The following ATP8A1 variants were observed in gnomAD, a reference collection of about 807,000 sequenced individuals.
ATP8A1 encodes the protein ATPase phospholipid transporting 8A1, also known as phospholipid-transporting ATPase IA.
In ATP8A1, 90 loss-of-function variants were observed where a neutral mutation model predicts 177.7. The observed-to-expected ratio is 0.51, with a 90% CI of 0.43 to 0.60. The LOEUF is 0.60. Among genes scored for constraint, ATP8A1 ranks in the 20% least tolerant of loss-of-function variants. The pLI is 0.00. For missense variants in ATP8A1, 1,072 were observed against 1,392.8 expected (o/e 0.77, Z 3.67); for synonymous variants, 493 against 485.9 (o/e 1.01, Z -0.19).
intron 1 of ATP8A1, among the ~76,000 whole-genome samples, chr4:42,635,790 T>C (rs1340873827): frequency 1.1e-4 from 11 of 103,716 alleles, no homozygotes; most frequent in African/African-American, 3.4e-4. Flanking sequence ...CACATATATA[T>C]ATATATATAT....
intron 14 of ATP8A1, among the ~76,000 whole-genome samples, chr4:42,571,360 A>G (rs550194695): frequency 1.1e-4 from 16 of 152,276 alleles, no homozygotes; most frequent in African/African-American, 3.4e-4. Context: ...AATACGAATT[A>G]AATGCCTTGT....
chr4:42,639,125 C>T (rs2109539309), intron 1 of ATP8A1, among the ~76,000 whole-genome samples: 1 of 152,070 alleles, frequency 6.6e-6, no homozygotes, highest in African/African-American at 2.4e-5. Flanking sequence ...TGTGGAAGGC[C>T]CTGACAAGGC....
chr4:42,600,632 T>G (rs1349042718), intron 5 of ATP8A1, 114 bp from the exon 6 acceptor site: 2 of 895,438 alleles, frequency 2.2e-6, no homozygotes, highest in African/African-American at 3.5e-5. Flanking sequence ...AGTAGCAATT[T>G]TTATAGGTTA....
At chr4:42,559,302 A>G (rs1730573342) in intron 15 of ATP8A1, among the ~76,000 whole-genome samples, 1 of 152,248 alleles carries the variant, frequency 6.6e-6, no homozygotes, top group African/African-American at 2.4e-5. Flanking sequence ...AAGAATTACC[A>G]GAAATCAATT....
intron 29 of ATP8A1, among the ~76,000 whole-genome samples, chr4:42,454,491 A>G (rs1718264053): frequency 6.6e-6 from 1 of 152,238 alleles, no homozygotes. Flanking sequence ...TGTTGCTTTC[A>G]TAACACTAAT....
At chr4:42,623,915 A>T (rs1737772185) in intron 4 of ATP8A1, among the ~76,000 whole-genome samples, 2 of 152,184 alleles carry the variant, frequency 1.3e-5, no homozygotes, top group South Asian at 4.1e-4. Flanking sequence ...CAGGAAAAAA[A>T]CCAAACCAAA....
chr4:42,594,280 C>A (rs765405054), intron 6 of ATP8A1: 36 of 1,551,064 alleles, frequency 2.3e-5, no homozygotes, highest in Non-Finnish European at 2.7e-5. Context: ...CATCAGTAGG[C>A]ATCTCTACCT....
At chr4:42,451,184 G>A (rs1717891415) in intron 30 of ATP8A1, among the ~76,000 whole-genome samples, 1 of 152,202 alleles carries the variant, frequency 6.6e-6, no homozygotes, top group Non-Finnish European at 1.5e-5. Flanking sequence ...GAGATCATCA[G>A]TGGGCAGCAG....
intron 27 of ATP8A1, chr4:42,459,443 T>C (rs1160952094): frequency 1.2e-5 from 3 of 258,526 alleles, no homozygotes; most frequent in African/African-American, 4.6e-5. Context: ...TAAGCAGATT[T>C]ATTGCTGGCA....
intron 22 of ATP8A1, among the ~76,000 whole-genome samples, chr4:42,517,429 T>C (rs1725674067): frequency 6.6e-6 from 1 of 152,200 alleles, no homozygotes; most frequent in African/African-American, 2.4e-5. Flanking sequence ...CAGGTCAAGT[T>C]TGTTGTCTAA....
intron 23 of ATP8A1, 139 bp downstream of exon 23, chr4:42,506,877 C>CA: frequency 3.0e-6 from 3 of 1,000,350 alleles, no homozygotes; most frequent in South Asian, 3.5e-5. Context: ...GGCAGAGATG[C>CA]AATGGTGAAA....
intron 4 of ATP8A1, among the ~76,000 whole-genome samples, chr4:42,621,189 T>C (rs183208860): frequency 2.6e-5 from 4 of 152,356 alleles, no homozygotes; most frequent in Admixed American, 1.3e-4. Flanking sequence ...CCATCAAGTA[T>C]GTCATTTCCA....
intron 27 of ATP8A1, among the ~76,000 whole-genome samples, chr4:42,458,674 G>A (rs865858793): frequency 2.0e-5 from 3 of 152,336 alleles, no homozygotes; most frequent in Middle Eastern, 3.4e-3. Flanking sequence ...ATAGCAAGGA[G>A]AAAAGCAGTG....
chr4:42,639,479 A>G (rs1739732859), intron 1 of ATP8A1, among the ~76,000 whole-genome samples: 1 of 152,228 alleles, frequency 6.6e-6, no homozygotes. Context: ...TCAATCGTCT[A>G]TCAAGGATAA....
At chr4:42,432,914 A>C (rs1276286559) in intron 33 of ATP8A1, among the ~76,000 whole-genome samples, 1 of 152,246 alleles carries the variant, frequency 6.6e-6, no homozygotes, top group Non-Finnish European at 1.5e-5. Context: ...ATATATATTC[A>C]CATCAAAATA....
chr4:42,501,292 C>CATTTTTT (rs1358282606), intron 24 of ATP8A1, among the ~76,000 whole-genome samples: 3 of 152,214 alleles, frequency 2.0e-5, no homozygotes, highest in Non-Finnish European at 4.4e-5. Context: ...TATAACATCT[C>CATTTTTT]ATTTTTTACA....
intron 5 of ATP8A1, among the ~76,000 whole-genome samples, chr4:42,613,764 A>G (rs1363691377): frequency 6.6e-6 from 1 of 151,816 alleles, no homozygotes; most frequent in African/African-American, 2.4e-5. Context: ...TTGTATTTTT[A>G]GTAGAGATGG....
intron 14 of ATP8A1, among the ~76,000 whole-genome samples, chr4:42,570,690 T>C (rs1382509828): frequency 1.3e-5 from 2 of 152,212 alleles, no homozygotes; most frequent in Admixed American, 6.5e-5. Flanking sequence ...TATATGCAAG[T>C]TTCCCTGTTA....
At chr4:42,520,505 C>T (rs566836903) in intron 22 of ATP8A1, among the ~76,000 whole-genome samples, 2 of 151,948 alleles carry the variant, frequency 1.3e-5, no homozygotes, top group South Asian at 4.2e-4. Context: ...ATAAATGCCC[C>T]AAAGACATAA....
Sources: gnomAD v4.1 joint callset for allele counts (sites outside exome capture counted in the v4.1 genomes callset) on GRCh38, gnomAD v4.1.1 for gene constraint, MANE v1.5 for transcripts, NCBI Gene and HGNC (gene_info 2026-07-23, HGNC 2026-07-21) for gene names.